The following SETD2 variants were observed in gnomAD, a reference collection of about 807,000 sequenced individuals.
The protein encoded by SETD2 is histone-lysine N-methyltransferase SETD2.
SETD2 carries 31 observed loss-of-function variants against 242.1 expected under a neutral mutation model. The ratio of observed to expected loss-of-function variants is 0.13; its 90% CI spans 0.10 to 0.17. The LOEUF (loss-of-function observed/expected upper bound fraction) is 0.17. SETD2 is among the 10% of genes least tolerant of loss of function. The pLI is 1.00. For missense variants in SETD2, 2,481 were observed against 3,046.3 expected (o/e 0.81, Z 4.37); for synonymous variants, 1,006 against 1,066.5 (o/e 0.94, Z 1.11).
intron 9 of SETD2, among the ~76,000 whole-genome samples, chr3:47,093,355 C>A (rs2041880867): frequency 6.7e-6 from 1 of 149,814 alleles, no homozygotes; most frequent in Non-Finnish European, 1.5e-5. Context: ...ATCATGTCAG[C>A]TCACTGCAAC....
At chr3:47,105,175 T>C (rs2042360491) in intron 6 of SETD2, among the ~76,000 whole-genome samples, 1 of 152,140 alleles carries the variant, frequency 6.6e-6, no homozygotes, top group African/African-American at 2.4e-5. Flanking sequence ...TTTGGGAGGC[T>C]GAGGCACATG....
chr3:47,023,030 G>A (rs1042150827), intron 18 of SETD2, among the ~76,000 whole-genome samples: 5 of 152,178 alleles, frequency 3.3e-5, no homozygotes, highest in Non-Finnish European at 7.4e-5. Context: ...TATGGCTTGA[G>A]TTACAGAAAT....
At chr3:47,068,323 T>C (rs2040652851) in intron 12 of SETD2, among the ~76,000 whole-genome samples, 1 of 152,136 alleles carries the variant, frequency 6.6e-6, no homozygotes, top group Non-Finnish European at 1.5e-5. Flanking sequence ...CAGTTGCCAT[T>C]AAAAAGGATC....
intron 7 of SETD2, among the ~76,000 whole-genome samples, chr3:47,102,560 G>A (rs1172427764): frequency 2.0e-5 from 3 of 152,150 alleles, no homozygotes; most frequent in Admixed American, 1.3e-4. Context: ...GGAGGCTGAC[G>A]GGGGTGGATC....
chr3:47,073,800 C>A (rs2040932525), intron 12 of SETD2, among the ~76,000 whole-genome samples: 1 of 152,058 alleles, frequency 6.6e-6, no homozygotes, highest in Admixed American at 6.5e-5. Flanking sequence ...TCCATTTTTG[C>A]CTATCAGTCT....
chr3:47,059,181 A>G (rs1328871436), intron 14 of SETD2, among the ~76,000 whole-genome samples: 8 of 131,904 alleles, frequency 6.1e-5, no homozygotes, highest in Non-Finnish European at 1.2e-4. Context: ...CAATGGTGTG[A>G]TATCAGCTCA....
chr3:47,067,742 C>T (rs1003345236), intron 12 of SETD2, among the ~76,000 whole-genome samples: 1 of 152,036 alleles, frequency 6.6e-6, no homozygotes, highest in Non-Finnish European at 1.5e-5. Flanking sequence ...CACTTGCCAT[C>T]TCTACTTAGA....
intron 1 of SETD2, among the ~76,000 whole-genome samples, chr3:47,131,879 G>C (rs886811411): frequency 3.3e-5 from 5 of 151,438 alleles, no homozygotes; most frequent in African/African-American, 1.2e-4. Context: ...CTGGGTTCAA[G>C]CAATTCTCCT....
intron 11 of SETD2, among the ~76,000 whole-genome samples, chr3:47,084,660 A>G (rs1001391234): frequency 3.3e-5 from 5 of 152,104 alleles, no homozygotes; most frequent in Admixed American, 1.3e-4. Flanking sequence ...TCCTGACCTC[A>G]AGTGATCCAC....
In SETD2 at chr3:47,121,827, G is replaced by A. The variant is rs781674299; in HGVS notation, c.2809C>T (p.Pro937Ser). 1.2e-6 allele frequency: 2 copies of A among 1,614,014 alleles called. No homozygotes were observed. The highest frequency in any genetic ancestry group is 8.5e-7 in the Non-Finnish European group (1 of 1,179,994). ...ETIVEVGSDL[P>S]DSGKGFASRE... ...GAAGCAAATCCCTTTCCTGAATCAG[G>A]AAGGTCACTACCTACTTCTACTATT... The change falls in exon 3 of 21, where the codon CCT becomes TCT. Residue 937 changes from proline (P) to serine (S), a missense_variant. Around this residue, in one of 17 missense-constraint regions of SETD2, gnomAD observed 1,300 missense variants for 1,259.2 expected, o/e 1.03. Coordinates refer to ENST00000409792, the MANE Select transcript of SETD2 (RefSeq NM_014159.7).
rs553915802 is a variant in SETD2 at position 47,087,039 on chromosome 3, A to G, written c.5278-725T>C. 1.6e-4 allele frequency among the ~76,000 whole-genome samples: 24 copies of G among 151,960 alleles called. No homozygotes were observed. The South Asian group carries it at 5.0e-3, about 32-fold the overall frequency. ...CTGGGCAACAAAGCAAGACCCTAAA[A>G]AAAAAAAAAAATCATTTTGTGTTAT... On this transcript the variant is annotated intron_variant, in intron 10 of 20. Transcript: ENST00000409792.
chr3:47,023,415 A>G (rs184551677), intron 18 of SETD2, among the ~76,000 whole-genome samples: 4 of 152,150 alleles, frequency 2.6e-5, no homozygotes, highest in Non-Finnish European at 5.9e-5. Flanking sequence ...AGAAAAAAAA[A>G]ATACTGTTTA....
chr3:47,028,346 T>A (rs887925480), intron 18 of SETD2, among the ~76,000 whole-genome samples: 1 of 152,168 alleles, frequency 6.6e-6, no homozygotes, highest in African/African-American at 2.4e-5. Context: ...GTATCTGAGA[T>A]AAACTATAAG....
In SETD2 at chr3:47,017,737, C is replaced by T. The variant is rs1452746194; in HGVS notation, c.7434G>A (p.Met2478Ile). 6.2e-7 allele frequency: 1 copy of T among 1,610,564 alleles called. No individual in the cohort carries two copies. The highest frequency in any genetic ancestry group is 8.5e-7 in the Non-Finnish European group (1 of 1,176,778). The change falls in exon 20 of 21, where the codon ATG becomes ATA. Residue 2478 changes from methionine (M) to isoleucine (I), a missense_variant and splice_region_variant. Transcript: ENST00000409792. This position sits in a 1 kb window ranked among gnomAD's most constrained non-coding sequence, Gnocchi z 4.8. ...KKSKEVFRKE[M>I]SQFIVQCLNP... is the part of the protein sequence containing the mutation. Reference sequence around the variant, plus strand: ...TCAGGCACTGGACGATGAACTGGGACATCTGCAGGCAGAGAAAAGAGAACA... The same window carrying T: ...TCAGGCACTGGACGATGAACTGGGATATCTGCAGGCAGAGAAAAGAGAACA...
At chr3:47,147,130 C>A (rs2043873796) in intron 1 of SETD2, among the ~76,000 whole-genome samples, 1 of 151,996 alleles carries the variant, frequency 6.6e-6, no homozygotes, top group Non-Finnish European at 1.5e-5. Flanking sequence ...CCTGCCTCAG[C>A]CTCCCAAGTA....
In SETD2 at chr3:47,084,143, G is replaced by A. The variant is rs1020972095; in HGVS notation, c.5637C>T (p.Arg1879=). The A allele has an allele frequency of 1.2e-6, 2 of 1,614,134 alleles. No homozygotes were observed. Among genetic ancestry groups the A allele is most frequent in the Non-Finnish European group, 1.7e-6 (2 of 1,180,026 alleles). Residue 1879 remains arginine, a synonymous_variant, in exon 12 of 21, where the codon CGC becomes CGT. Coordinates refer to ENST00000409792, the MANE Select transcript of SETD2 (RefSeq NM_014159.7). The part of the protein sequence containing the change: ...DTDTPKKLMF[R]RLKIISENSM... ...TATTTTCACTTATAATTTTCAGTCT[G>A]CGAAACATTAGTTTCTTGGGAGTGT...
chr3:47,099,555 AC>A (rs1162632900), intron 8 of SETD2, among the ~76,000 whole-genome samples: 1 of 152,164 alleles, frequency 6.6e-6, no homozygotes, highest in Non-Finnish European at 1.5e-5. Flanking sequence ...ACTGTTTAGG[AC>A]CCATACCTTA....
rs2106703120 is a variant in SETD2, at chr3:47,123,410, G to C, written c.1226C>G (p.Ser409Cys). 6.4e-7 allele frequency: 1 copy of C among 1,551,662 alleles called. No individual in the cohort carries two copies. Residue 409 changes from serine (S) to cysteine (C), a missense_variant, in exon 3 of 21, where the codon TCT (serine) becomes TGT (cysteine). By Grantham distance (112) the Ser-to-Cys change is moderately radical (BLOSUM62 -1). Coordinates refer to ENST00000409792, the MANE Select transcript of SETD2 (RefSeq NM_014159.7). The stretch of plus-strand genomic sequence containing the variant: ...TAAATTAGTTCTAGAGCCTCTCTCA[G>C]ACCTAGAGTGAGATCTGCTCCGCCG... ...ERRRSRSHSRSERGSRTNLSY... is the reference protein window; with the variant it reads ...ERRRSRSHSRCERGSRTNLSY...
At chr3:47,112,115 C>CTT (rs11319249) in intron 5 of SETD2, among the ~76,000 whole-genome samples, 4 of 128,680 alleles carry the variant, frequency 3.1e-5, no homozygotes, top group Admixed American at 7.6e-5. Context: ...ATTAAGAATA[C>CTT]TTTTTTTTTT....
Sources: gnomAD v4.1 joint callset for allele counts (sites outside exome capture counted in the v4.1 genomes callset) on GRCh38, gnomAD v4.1.1 for gene constraint, gnomAD v4.1.1 regional missense constraint, Gnocchi (gnomAD v3.1) non-coding constraint, MANE v1.5 for transcripts, NCBI Gene and HGNC (gene_info 2026-07-23, HGNC 2026-07-21) for gene names.